The following NKAIN3 variants were observed in gnomAD, a reference collection of about 807,000 sequenced individuals.
The protein encoded by NKAIN3 is sodium/potassium transporting ATPase interacting 3.
NKAIN3 carries 25 observed loss-of-function variants against 30.2 expected under a neutral mutation model. The ratio of observed to expected loss-of-function variants is 0.83; its 90% CI spans 0.60 to 1.16. The LOEUF is 1.16. NKAIN3 is among the 50% of genes most tolerant of loss of function. NKAIN3 has a pLI of 0.00. For synonymous variants in NKAIN3, 91 were observed against 89.6 expected, an observed-to-expected ratio of 1.02 and a Z score of -0.09; for missense variants, 225 against 254.1, an observed-to-expected ratio of 0.89 and a Z score of 0.78.
At chr8:62,712,516 G>T (rs1814755517) in intron 3 of NKAIN3, among the ~76,000 whole-genome samples, 1 of 152,052 alleles carries the variant, frequency 6.6e-6, no homozygotes, top group Non-Finnish European at 1.5e-5. Flanking sequence ...CAGGGAAGTG[G>T]GGGAAAGCCA....
chr8:62,612,538 G>GT (rs59976833), intron 3 of NKAIN3, among the ~76,000 whole-genome samples: 70,571 of 145,918 alleles, frequency 0.48, 19,515 homozygotes, highest in African/African-American at 0.78. Flanking sequence ...AATGGGTCTT[G>GT]TTTTTTTTTT....
intron 1 of NKAIN3, among the ~76,000 whole-genome samples, chr8:62,453,636 G>A (rs1405083230): frequency 6.6e-6 from 1 of 151,942 alleles, no homozygotes; most frequent in African/African-American, 2.4e-5. Flanking sequence ...CACTAGCTAG[G>A]CTAATAAAGA....
At chr8:62,790,719 G>T (rs1264136207) in intron 4 of NKAIN3, among the ~76,000 whole-genome samples, 1 of 152,010 alleles carries the variant, frequency 6.6e-6, no homozygotes, top group Non-Finnish European at 1.5e-5. Context: ...AAACAGATGT[G>T]GTCTTGCCCT....
chr8:62,702,829 G>A (rs1814383169), intron 3 of NKAIN3, among the ~76,000 whole-genome samples: 1 of 152,098 alleles, frequency 6.6e-6, no homozygotes, highest in South Asian at 2.1e-4. Context: ...ACTTTGTTTG[G>A]TTTCACTTGG....
Position 62,793,029 on chromosome 8 carries a change from A to G in NKAIN3, c.471+45900A>G, listed in dbSNP as rs184121239. On this transcript the variant is annotated intron_variant, in intron 4 of 6. Coordinates refer to ENST00000623646, the MANE Select transcript of NKAIN3 (RefSeq NM_001304533.3). ...GATAATCCTTTATGTTGGTCAAAAG[A>G]GTCAACTATTGGAGTTTCAGAGATG... 2.3e-3 allele frequency among the ~76,000 whole-genome samples: 348 copies of G among 152,252 alleles called. 1 individual carries two copies. Among genetic ancestry groups the G allele is most frequent in the African/African-American group, 8.0e-3 (334 of 41,560 alleles).
intron 1 of NKAIN3, among the ~76,000 whole-genome samples, chr8:62,250,262 A>T (rs1812057711): frequency 1.3e-5 from 2 of 152,254 alleles, no homozygotes; most frequent in South Asian, 2.1e-4. Context: ...CTCTTGCCTC[A>T]GTGTTCCAGT....
At chr8:62,935,478 A>G (rs894001949) in intron 5 of NKAIN3, among the ~76,000 whole-genome samples, 1 of 151,562 alleles carries the variant, frequency 6.6e-6, no homozygotes, top group Non-Finnish European at 1.5e-5. Flanking sequence ...GTAAACTACA[A>G]TTTTTTTTTC....
intron 1 of NKAIN3, among the ~76,000 whole-genome samples, chr8:62,274,207 A>G (rs1812862575): frequency 6.6e-6 from 1 of 152,152 alleles, no homozygotes; most frequent in Non-Finnish European, 1.5e-5. Context: ...TGCACCACAC[A>G]CATAATGAGC....
intron 3 of NKAIN3, among the ~76,000 whole-genome samples, chr8:62,729,153 C>T (rs1206985585): frequency 1.3e-5 from 2 of 149,902 alleles, no homozygotes; most frequent in Admixed American, 6.7e-5. Context: ...TGTTGTCCAA[C>T]ATACACAATG....
intron 1 of NKAIN3, among the ~76,000 whole-genome samples, chr8:62,516,783 G>A (rs1474379714): frequency 6.6e-6 from 1 of 152,014 alleles, no homozygotes; most frequent in African/African-American, 2.4e-5. Context: ...GTAGTCTGTA[G>A]CTTTCTTTCT....
At chr8:62,616,392 C>T (rs1263835452) in intron 3 of NKAIN3, among the ~76,000 whole-genome samples, 1 of 152,088 alleles carries the variant, frequency 6.6e-6, no homozygotes, top group South Asian at 2.1e-4. Flanking sequence ...TAGGATGACT[C>T]ACAGAGTCCT....
intron 4 of NKAIN3, among the ~76,000 whole-genome samples, chr8:62,871,451 C>G (rs903973548): frequency 4.6e-5 from 7 of 151,448 alleles, no homozygotes; most frequent in Non-Finnish European, 8.8e-5. Flanking sequence ...AAAAGCCATT[C>G]CCTCACATAG....
At chr8:62,571,537 A>C (rs1311361983) in intron 1 of NKAIN3, among the ~76,000 whole-genome samples, 1 of 152,108 alleles carries the variant, frequency 6.6e-6, no homozygotes, top group African/African-American at 2.4e-5. Flanking sequence ...CAACTCCACT[A>C]GGCAGTACCC....
At chr8:62,821,258 A>G (rs898659829) in intron 4 of NKAIN3, among the ~76,000 whole-genome samples, 1 of 152,208 alleles carries the variant, frequency 6.6e-6, no homozygotes, top group African/African-American at 2.4e-5. Context: ...CATTATTAAA[A>G]TAGAAACACA....
At chr8:62,722,353 A>G (rs1815119320) in intron 3 of NKAIN3, among the ~76,000 whole-genome samples, 1 of 152,206 alleles carries the variant, frequency 6.6e-6, no homozygotes, top group African/African-American at 2.4e-5. Context: ...TGGGCTCCTT[A>G]AAACACTACG....
At chr8:62,486,114 CAA>C (rs1301501843) in intron 1 of NKAIN3, among the ~76,000 whole-genome samples, 1 of 151,976 alleles carries the variant, frequency 6.6e-6, no homozygotes, top group African/African-American at 2.4e-5. Context: ...ACCACCAAAA[CAA>C]AAAGAGAGAA....
intron 3 of NKAIN3, among the ~76,000 whole-genome samples, chr8:62,742,585 T>C (rs749154197): frequency 6.6e-6 from 1 of 152,220 alleles, no homozygotes; most frequent in Non-Finnish European, 1.5e-5. Context: ...TGTTTATATC[T>C]TTTTAACTCT....
At chr8:62,631,630 T>C (rs1198431557) in intron 3 of NKAIN3, among the ~76,000 whole-genome samples, 3 of 152,198 alleles carry the variant, frequency 2.0e-5, no homozygotes, top group Non-Finnish European at 4.4e-5. Context: ...CCCACATGTA[T>C]TTGTCACTCC....
chr8:62,907,415 G>A lies in NKAIN3; in HGVS notation c.472-11038G>A, dbSNP rs375599913. ...AAAAGCAAAACCCATTTTCTGAGGAGAAATTCAAGCTGGCTGCAGAAATTT... is the reference window on the plus strand; with the variant it reads ...AAAAGCAAAACCCATTTTCTGAGGAAAAATTCAAGCTGGCTGCAGAAATTT... On this transcript the variant is annotated intron_variant, in intron 4 of 6. Transcript: ENST00000623646. Among the ~76,000 whole-genome samples, 18 of 152,334 alleles carry A rather than the reference G, an allele frequency of 1.2e-4. No homozygotes were observed. In the East Asian group the frequency reaches 2.7e-3, roughly 23 times the overall value.
Sources: gnomAD v4.1 joint callset for allele counts (sites outside exome capture counted in the v4.1 genomes callset) on GRCh38, gnomAD v4.1.1 for gene constraint, MANE v1.5 for transcripts, NCBI Gene and HGNC (gene_info 2026-07-23, HGNC 2026-07-21) for gene names.